The following DDX43 variants were observed in gnomAD, a reference collection of about 807,000 sequenced individuals.
DDX43 encodes DEAD-box helicase 43.
In DDX43, 50 loss-of-function variants were observed where a neutral mutation model predicts 84.9. The ratio of observed to expected loss-of-function variants is 0.59; its 90% CI spans 0.47 to 0.75. DDX43 has a LOEUF of 0.75. Ranked by LOEUF, DDX43 falls within the 30% of genes least tolerant of loss-of-function variation. DDX43 has a pLI of 0.00. For synonymous variants in DDX43, 291 were observed against 266.3 expected (o/e 1.09, Z -0.90); for missense variants, 689 against 798.6 (o/e 0.86, Z 1.65).
chr6:73,398,496 C>T (rs946948821), intron 2 of DDX43, among the ~76,000 whole-genome samples: 3 of 152,172 alleles, frequency 2.0e-5, no homozygotes, highest in African/African-American at 7.2e-5. Context: ...GGGTGATCCG[C>T]CCACCTCTGC....
rs763464287 is a variant in DDX43 at position 73,395,047 on chromosome 6, G to A, written c.142G>A (p.Gly48Ser). 155 of 1,614,048 alleles carry A rather than the reference G, an allele frequency of 9.6e-5. No homozygotes were observed. The highest frequency in any genetic ancestry group is 1.3e-4 in the Non-Finnish European group (149 of 1,180,026). Reference protein sequence around the residue: ...TGPEGYSVGRGGRWRGTSRPP... With the variant: ...TGPEGYSVGRSGRWRGTSRPP... ...TCCTGAGGGATATAGTGTCGGCAGA[G>A]GTGGTCGCTGGAGAGGCACCTCTAG... Residue 48 changes from glycine to serine, a missense_variant, in exon 1 of 17, where the codon GGT becomes AGT. By Grantham distance (56) the Gly-to-Ser change is moderately conservative (BLOSUM62 0). Coordinates refer to ENST00000370336, the MANE Select transcript of DDX43 (RefSeq NM_018665.3).
Position 73,405,545 on chromosome 6 carries a change from A to T in DDX43, c.651-134A>T, listed in dbSNP as rs867559365. 4.9e-6 allele frequency: 4 copies of T among 815,158 alleles called. No homozygotes were observed. In the Middle Eastern group the frequency reaches 1.1e-3, roughly 225 times the overall value. The allele number at this position is 815,158 out of a possible 1,614,324, so 50.5% of individuals were successfully genotyped here. On this transcript the variant is annotated intron_variant, in intron 5 of 16. Transcript: ENST00000370336. ...CTGCTTCTATTTCTTTATGCATTTC[A>T]TTATAACTTCCCTGACAGTCTCATT...
chr6:73,409,460 T>C (rs1249794383), intron 10 of DDX43, 112 bp downstream of exon 10: 2 of 839,052 alleles, frequency 2.4e-6, no homozygotes, highest in Non-Finnish European at 3.9e-6. Context: ...TTGAAATCTT[T>C]AGGTGAAAGA....
Position 73,405,746 on chromosome 6 carries a change from A to G in DDX43, c.718A>G (p.Thr240Ala). 8 of 1,614,188 alleles carry G rather than the reference A, an allele frequency of 5.0e-6. No individual in the cohort carries two copies. The highest frequency in any genetic ancestry group is 6.8e-6 in the Non-Finnish European group (8 of 1,180,012). Residue 240 changes from threonine (T) to alanine (A), a missense_variant, in exon 6 of 17, where the codon ACC becomes GCC. Physicochemically the swap from Thr to Ala is moderately conservative, Grantham distance 58. Coordinates refer to ENST00000370336, the MANE Select transcript of DDX43 (RefSeq NM_018665.3). ...GGAGAAACGACCTATCCCCAATCCTACCTGCACATTTGATGACGCCTTTCA... is the reference window on the plus strand; with the variant it reads ...GGAGAAACGACCTATCCCCAATCCTGCCTGCACATTTGATGACGCCTTTCA... ...DGEKRPIPNP[T>A]CTFDDAFQCY...
chr6:73,405,115 A>G (rs1278001664), intron 5 of DDX43, among the ~76,000 whole-genome samples: 1 of 147,122 alleles, frequency 6.8e-6, no homozygotes, highest in African/African-American at 2.5e-5. Flanking sequence ...GTTGAATTGA[A>G]AAAAAAAAAA....
intron 5 of DDX43, among the ~76,000 whole-genome samples, chr6:73,405,358 A>G (rs963354516): frequency 1.3e-5 from 2 of 152,204 alleles, no homozygotes; most frequent in African/African-American, 2.4e-5. Context: ...ATATGTGTGG[A>G]ACATCGTAGG....
chr6:73,403,322 T>C (rs1769612521), intron 4 of DDX43, among the ~76,000 whole-genome samples: 1 of 151,928 alleles, frequency 6.6e-6, no homozygotes, highest in Admixed American at 6.6e-5. Flanking sequence ...ATACAAAAAT[T>C]AGCTGGGCGC....
chr6:73,412,209 A>G lies in DDX43; in HGVS notation c.1285A>G (p.Thr429Ala), dbSNP rs1379136944. Residue 429 changes from threonine (T) to alanine (A), a missense_variant, in exon 11 of 17, where the codon ACA becomes GCA. Coordinates refer to ENST00000370336, the MANE Select transcript of DDX43 (RefSeq NM_018665.3). ...PDRQTVMTSA[T>A]WPHSVHRLAQ... ...GTTTGTAACTTGTATTCCCAGTGCT[A>G]CATGGCCTCATTCAGTTCATCGCCT... The G allele has an allele frequency of 6.2e-7, 1 of 1,611,996 alleles. No homozygotes were observed.
At chr6:73,396,175 T>G (rs1769467145) in intron 1 of DDX43, among the ~76,000 whole-genome samples, 1 of 152,146 alleles carries the variant, frequency 6.6e-6, no homozygotes, top group Non-Finnish European at 1.5e-5. Context: ...CCCAGGATGG[T>G]CTCGAACTCC....
At chr6:73,416,333 A>G in intron 16 of DDX43, 82 bp downstream of exon 16, 1 of 636,818 alleles carries the variant, frequency 1.6e-6, no homozygotes, top group Non-Finnish European at 2.8e-6. Context: ...TGCAATGAGC[A>G]TGATCTCTAA....
At chr6:73,412,161 T>A (rs997320917) in intron 10 of DDX43, 44 bp from the exon 11 acceptor site, 22 of 1,520,098 alleles carry the variant, frequency 1.4e-5, no homozygotes, top group Middle Eastern at 1.7e-4. Flanking sequence ...AACATAGTAA[T>A]GTTTTTACAA....
chr6:73,396,204 G>A (rs1299587159), intron 1 of DDX43, among the ~76,000 whole-genome samples: 1 of 151,928 alleles, frequency 6.6e-6, no homozygotes, highest in East Asian at 1.9e-4. Flanking sequence ...CACCCACCTC[G>A]GCCTCCCAAA....
At chr6:73,412,080 C>T (rs1253667838) in intron 10 of DDX43, 125 bp from the exon 11 acceptor site, 2 of 691,536 alleles carry the variant, frequency 2.9e-6, no homozygotes, top group Admixed American at 2.9e-5. Flanking sequence ...GTTAAATTTG[C>T]CTTACTTATT....
intron 5 of DDX43, among the ~76,000 whole-genome samples, chr6:73,405,067 A>G (rs928240749): frequency 3.3e-5 from 5 of 152,028 alleles, no homozygotes; most frequent in Non-Finnish European, 7.4e-5. Flanking sequence ...AGTGCCTACT[A>G]TATTGGACAG....
At chr6:73,403,021 T>C (rs905869151) in intron 4 of DDX43, among the ~76,000 whole-genome samples, 8 of 152,230 alleles carry the variant, frequency 5.3e-5, no homozygotes, top group African/African-American at 1.9e-4. Flanking sequence ...AGCACTAATA[T>C]GTTACCAAAA....
rs60478350 is a variant in DDX43, at chr6:73,401,801, C to CA, written c.437-37dup. 10,610 of 1,076,438 alleles carry CA rather than the reference C, an allele frequency of 9.9e-3. 6 individuals are homozygous for CA. The highest frequency in any genetic ancestry group is 0.029 in the East Asian group (786 of 27,496). 66.7% of individuals were successfully genotyped at this position (1,076,438 alleles called of 1,614,324 possible). A position where few individuals can be genotyped will look rare whatever the true frequency, so the allele number is the denominator to read the frequency against. Reference sequence around the variant, plus strand: ...TGGGGGACAGAGCGAGACTCCATCTCAAAAAAAAAAAAAAAAAAAAATAGA... The same window carrying CA: ...TGGGGGACAGAGCGAGACTCCATCTCAAAAAAAAAAAAAAAAAAAAAATAGA... On this transcript the variant is annotated intron_variant, in intron 3 of 16. Transcript: ENST00000370336.
At chr6:73,411,400 C>G (rs78536224) in intron 10 of DDX43, among the ~76,000 whole-genome samples, 19,617 of 149,910 alleles carry the variant, frequency 0.13, 1,379 homozygotes, top group Middle Eastern at 0.21. Context: ...ATGATCTCCA[C>G]TCACTGCAAC....
intron 11 of DDX43, among the ~76,000 whole-genome samples, chr6:73,412,666 T>TGTGTGC (rs1554236148): frequency 4.7e-5 from 4 of 84,300 alleles, no homozygotes; most frequent in Non-Finnish European, 9.7e-5. Flanking sequence ...TGTGTGTGTG[T>TGTGTGC]GTGCGCGCGC....
In DDX43 at chr6:73,415,476, T is replaced by G. The variant is rs1562287028; in HGVS notation, c.1746-21T>G. 6 of 1,566,978 alleles carry G rather than the reference T, an allele frequency of 3.8e-6. 1 individual carries two copies. Among genetic ancestry groups the G allele is most frequent in the African/African-American group, 1.4e-5 (1 of 73,724 alleles). ...ATTAACTGAATAATGAATACATGAG[T>G]TTTTTTCCCCCACACTAAAGGAGGA... On this transcript the variant is annotated intron_variant, in intron 14 of 16. Transcript: ENST00000370336.
Sources: allele counts gnomAD v4.1 joint callset (sites outside exome capture counted in the v4.1 genomes callset), GRCh38; gene constraint gnomAD v4.1.1; transcripts MANE v1.5; gene names NCBI Gene and HGNC (gene_info 2026-07-23, HGNC 2026-07-21).